GATA3: variants seen among roughly 807,000 people sequenced by gnomAD.
The protein encoded by GATA3 is trans-acting T-cell-specific transcription factor GATA-3.
In GATA3, 6 loss-of-function variants were observed where a neutral mutation model predicts 36.0. The observed-to-expected ratio is 0.17, with a 90% CI of 0.09 to 0.33. GATA3 has a LOEUF of 0.33. Ranked by LOEUF, GATA3 falls within the 10% of genes least tolerant of loss-of-function variation. The probability of loss-of-function intolerance (pLI) is 1.00; values close to 1 mark genes in which losing one functional copy is unlikely to be tolerated. For missense variants in GATA3, 514 were observed against 610.1 expected, an observed-to-expected ratio of 0.84 and a Z score of 1.66; for synonymous variants, 326 against 273.0, an observed-to-expected ratio of 1.19 and a Z score of -1.92.
chr10:8,048,335 C>T (rs574105222), intron 1 of GATA3, among the ~76,000 whole-genome samples: 2 of 152,298 alleles, frequency 1.3e-5, no homozygotes, highest in South Asian at 4.1e-4. Context: ...CCACCTCACC[C>T]GGCAATGCTA....
At chr10:8,065,700 G>GTTTT (rs748515966) in intron 4 of GATA3, among the ~76,000 whole-genome samples, 15 of 62,288 alleles carry the variant, frequency 2.4e-4, no homozygotes, top group East Asian at 1.7e-3. Context: ...CAGCAGTTTG[G>GTTTT]TTTTTTTTTT....
At chr10:8,061,113 T>G (rs1023492401) in intron 3 of GATA3, among the ~76,000 whole-genome samples, 1 of 147,868 alleles carries the variant, frequency 6.8e-6, no homozygotes, top group Non-Finnish European at 1.5e-5. Context: ...TAACCTCTTC[T>G]TTGCAAATGC....
chr10:8,058,947 A>C, intron 3 of GATA3, 106 bp downstream of exon 3: 1 of 1,025,166 alleles, frequency 9.8e-7, no homozygotes, highest in Non-Finnish European at 1.4e-6. Flanking sequence ...GGTGTCCCAA[A>C]GCCTGCTGAG....
intron 4 of GATA3, 85 bp downstream of exon 4, chr10:8,064,223 G>T (rs1832795762): frequency 1.3e-6 from 2 of 1,539,204 alleles, no homozygotes; most frequent in East Asian, 2.3e-5. Context: ...CTTTCTGCAG[G>T]AAATTGACAG....
At chr10:8,050,864 T>G (rs970271571), upstream of GATA3, 1 of 443,120 alleles carries the variant, frequency 2.3e-6, no homozygotes, top group African/African-American at 2.1e-5. Flanking sequence ...ATTAGTAACT[T>G]TAGGACTTCG....
intron 4 of GATA3, 146 bp downstream of exon 4, chr10:8,064,284 TTTTTC>T: frequency 4.0e-6 from 3 of 749,394 alleles, no homozygotes; most frequent in Non-Finnish European, 6.2e-6. Context: ...TTTTTTTTCC[TTTTTC>T]TTTCTTTCTT....
chr10:8,063,288 CT>C (rs1471940725), intron 3 of GATA3, among the ~76,000 whole-genome samples: 2 of 152,204 alleles, frequency 1.3e-5, no homozygotes, highest in African/African-American at 4.8e-5. Flanking sequence ...CTTGCACCCC[CT>C]GGCTGGGGTC....
intron 3 of GATA3, among the ~76,000 whole-genome samples, chr10:8,060,050 C>T (rs1832721714): frequency 6.6e-6 from 1 of 152,242 alleles, no homozygotes; most frequent in African/African-American, 2.4e-5. Context: ...GTTTGAAAAA[C>T]TTCAGAGGGA....
upstream of GATA3, chr10:8,053,262 CA>C (rs1218156625): frequency 6.6e-6 from 1 of 152,192 alleles, no homozygotes; most frequent in Non-Finnish European, 1.5e-5. The surrounding 1 kb of genome is among the most constrained non-coding windows in gnomAD (Gnocchi z 5.1). Context: ...GAAGAGGGAA[CA>C]ATGTCTCCAA....
Position 8,055,497 on chromosome 10 carries a change from C to G in GATA3, c.-159C>G, listed in dbSNP as rs1469041922. ...TTAAAAAACCTTCTCCTTTGCTCACCTTTGCTTCCCAGCCTTCCCATCCCC... is the reference window on the plus strand; with the variant it reads ...TTAAAAAACCTTCTCCTTTGCTCACGTTTGCTTCCCAGCCTTCCCATCCCC... On this transcript the variant is annotated 5_prime_UTR_variant, in exon 2 of 6. Coordinates refer to ENST00000379328, the MANE Select transcript of GATA3 (RefSeq NM_001002295.2). This position sits in a 1 kb window ranked among gnomAD's most constrained non-coding sequence, Gnocchi z 5.4. 1.3e-5 allele frequency: 10 copies of G among 793,270 alleles called. No individual in the cohort carries two copies. Among genetic ancestry groups the G allele is most frequent in the Non-Finnish European group, 2.0e-5 (10 of 505,098 alleles). 49.1% of individuals were successfully genotyped at this position (793,270 alleles called of 1,614,324 possible).
At position 8,059,983 on chromosome 10, in the gene GATA3, T is replaced by C. The variant is rs914702194; in HGVS notation, c.778+1142T>C. On this transcript the variant is annotated intron_variant, in intron 3 of 5. Transcript: ENST00000379328. The stretch of plus-strand genomic sequence containing the variant: ...CCTATATAGAAAGCAATCGTGAAAA[T>C]CACTTGTCTTTTAGGGATGAGATGA... Among the ~76,000 whole-genome samples, 7 of 152,252 alleles carry C rather than the reference T, an allele frequency of 4.6e-5. No individual in the cohort carries two copies. In the South Asian group the frequency reaches 1.5e-3, roughly 32 times the overall value.
At chr10:8,073,626 A>G in intron 5 of GATA3, 113 bp from the exon 6 acceptor site, 3 of 1,207,394 alleles carry the variant, frequency 2.5e-6, no homozygotes, top group Non-Finnish European at 3.4e-6. Context: ...TGAAATGGAA[A>G]CAGATCCCTG....
chr10:8,051,157 G>A (rs750433315), upstream of GATA3: 4 of 495,804 alleles, frequency 8.1e-6, no homozygotes, highest in Non-Finnish European at 1.7e-5. Context: ...TGGGAGGGCG[G>A]GTGGGAGGGA....
At chr10:8,063,740 T>C (rs552538714) in intron 3 of GATA3, among the ~76,000 whole-genome samples, 29 of 152,244 alleles carry the variant, frequency 1.9e-4, no homozygotes, top group African/African-American at 7.0e-4. Flanking sequence ...AAGAACAGGG[T>C]TCTGTTGCAA....
intron 4 of GATA3, among the ~76,000 whole-genome samples, chr10:8,066,156 T>G (rs928591751): frequency 3.3e-5 from 5 of 152,022 alleles, no homozygotes; most frequent in Non-Finnish European, 1.5e-5. Context: ...GAGCAAAAGT[T>G]TATTTGACAT....
chr10:8,068,173 A>G (rs1177237087), intron 4 of GATA3, among the ~76,000 whole-genome samples: 2 of 145,322 alleles, frequency 1.4e-5, no homozygotes, highest in East Asian at 4.2e-4. Context: ...AAAAAGTGAA[A>G]GAAAAATCTC....
Position 8,058,479 on chromosome 10 carries a change from C to G in GATA3, c.416C>G (p.Ser139Cys). 1 of 1,612,682 alleles carries G rather than the reference C, an allele frequency of 6.2e-7. No individual in the cohort carries two copies. The highest frequency in any genetic ancestry group is 1.1e-5 in the South Asian group (1 of 91,036). ...TCCGTCTACCCCCCGGCCTCGTCCT[C>G]CTCCTTGTCGGGGGGCCACGCCAGC... ...PLSVYPPASSSSLSGGHASPH... is the reference protein window; with the variant it reads ...PLSVYPPASSCSLSGGHASPH... Residue 139 changes from serine (S) to cysteine (C), a missense_variant, in exon 3 of 6, where the codon TCC becomes TGC. Around this residue, in one of 3 missense-constraint regions of GATA3, gnomAD observed 381 missense variants for 354.3 expected, o/e 1.08. Coordinates refer to ENST00000379328, the MANE Select transcript of GATA3 (RefSeq NM_001002295.2).
intron 1 of GATA3, among the ~76,000 whole-genome samples, chr10:8,045,937 T>G (rs1290822977): frequency 1.3e-5 from 2 of 152,174 alleles, no homozygotes; most frequent in African/African-American, 4.8e-5. Context: ...TTCCTCTGTT[T>G]AAAGGTGTGT....
intron 5 of GATA3, among the ~76,000 whole-genome samples, chr10:8,073,150 A>G (rs906436300): frequency 6.6e-6 from 1 of 151,042 alleles, no homozygotes; most frequent in Non-Finnish European, 1.5e-5. Context: ...GTCTCAAAAA[A>G]AAAAAAAAAA....
Sources: gnomAD v4.1 joint callset for allele counts (sites outside exome capture counted in the v4.1 genomes callset) on GRCh38, gnomAD v4.1.1 for gene constraint, gnomAD v4.1.1 regional missense constraint, Gnocchi (gnomAD v3.1) non-coding constraint, MANE v1.5 for transcripts, NCBI Gene and HGNC (gene_info 2026-07-23, HGNC 2026-07-21) for gene names.